The following FAT3 variants were observed in gnomAD, a reference collection of about 807,000 sequenced individuals.
The protein encoded by FAT3 is protocadherin Fat 3.
Under a neutral mutation model 310.2 loss-of-function variants are expected in FAT3, and 95 were observed. That is an observed-to-expected ratio of 0.31 (90% CI 0.26 to 0.36). FAT3 has a LOEUF of 0.36. FAT3 is among the 10% of genes least tolerant of loss of function. The pLI is 1.00. For missense variants in FAT3, 5,408 were observed against 5,715.6 expected (o/e 0.95, Z 1.74); for synonymous variants, 2,314 against 2,192.9 (o/e 1.06, Z -1.54).
At chr11:92,688,440 C>G (rs1351582985) in intron 3 of FAT3, among the ~76,000 whole-genome samples, 5 of 151,882 alleles carry the variant, frequency 3.3e-5, no homozygotes, top group Non-Finnish European at 1.5e-5. Flanking sequence ...TTACTATAAC[C>G]CCATCATCCA....
chr11:92,309,383 TGC>T (rs1491321176), intron 1 of FAT3, among the ~76,000 whole-genome samples: 1 of 28,528 alleles, frequency 3.5e-5, no homozygotes, highest in Non-Finnish European at 6.2e-5. Flanking sequence ...CACACACGCA[TGC>T]ACACACACAC....
intron 2 of FAT3, among the ~76,000 whole-genome samples, chr11:92,456,777 A>G (rs928313238): frequency 7.2e-5 from 11 of 152,186 alleles, no homozygotes; most frequent in African/African-American, 2.7e-4. Flanking sequence ...ATTAAATACT[A>G]TTCCATTGAT....
chr11:92,605,719 GTTTT>G (rs5793613), intron 3 of FAT3, among the ~76,000 whole-genome samples: 2 of 99,760 alleles, frequency 2.0e-5, no homozygotes, highest in South Asian at 3.5e-4. Context: ...AAATAGCTAT[GTTTT>G]TTTTTTTTTT....
At position 92,451,036 on chromosome 11, in the gene FAT3, C is replaced by CT. The variant is rs377378294; in HGVS notation, c.3293-73589dup. Among the ~76,000 whole-genome samples, 1,500 of 151,578 alleles carry CT rather than the reference C, an allele frequency of 9.9e-3. 22 individuals are homozygous for CT. The highest frequency in any genetic ancestry group is 0.034 in the African/African-American group (1,398 of 41,330). The stretch of plus-strand genomic sequence containing the variant: ...TAGTTTAGAATTAGACAAGGTGATT[C>CT]TTTTTTTTTCCCCTCTTTTCCTCTT... On this transcript the variant is annotated intron_variant, in intron 2 of 27. Transcript: ENST00000525166.
chr11:92,660,705 G>A (rs144567432), intron 3 of FAT3, among the ~76,000 whole-genome samples: 106 of 152,272 alleles, frequency 7.0e-4, no homozygotes, highest in Admixed American at 3.4e-3. Context: ...GATTTCAATC[G>A]TGGTCTTAAA....
intron 3 of FAT3, among the ~76,000 whole-genome samples, chr11:92,671,987 T>C (rs1943143635): frequency 6.6e-6 from 1 of 152,026 alleles, no homozygotes; most frequent in South Asian, 2.1e-4. Flanking sequence ...GGCGTGGTGG[T>C]GGGTGCCTGT....
chr11:92,809,303 G>C (rs755366606), intron 12 of FAT3, among the ~76,000 whole-genome samples: 3 of 152,134 alleles, frequency 2.0e-5, no homozygotes, highest in Admixed American at 6.5e-5. Context: ...TACACAATAG[G>C]GGTCCTTCAA....
intron 2 of FAT3, among the ~76,000 whole-genome samples, chr11:92,445,850 A>C (rs1424566941): frequency 6.6e-6 from 1 of 152,032 alleles, no homozygotes; most frequent in East Asian, 1.9e-4. Flanking sequence ...GATTGATTTT[A>C]ACAAGTAGGT....
At chr11:92,641,261 G>T (rs1941953465) in intron 3 of FAT3, among the ~76,000 whole-genome samples, 2 of 152,046 alleles carry the variant, frequency 1.3e-5, no homozygotes, top group Non-Finnish European at 2.9e-5. Context: ...TCTCTCCCCA[G>T]ATACATAATA....
intron 13 of FAT3, among the ~76,000 whole-genome samples, chr11:92,813,439 A>C (rs1947735282): frequency 6.6e-6 from 1 of 152,130 alleles, no homozygotes; most frequent in African/African-American, 2.4e-5. Flanking sequence ...CACAGAGTTT[A>C]TTCAAATTTC....
intron 1 of FAT3, among the ~76,000 whole-genome samples, chr11:92,234,902 CA>C (rs35407952): frequency 0.39 from 39,081 of 99,688 alleles, 5,665 homozygotes; most frequent in Admixed American, 0.52. Flanking sequence ...GACTCCGTCT[CA>C]AAAAAAAAAA....
At chr11:92,683,348 T>C (rs1307903684) in intron 3 of FAT3, among the ~76,000 whole-genome samples, 1 of 152,188 alleles carries the variant, frequency 6.6e-6, no homozygotes, top group Non-Finnish European at 1.5e-5. Context: ...TAAAACAAAA[T>C]TCTAGGGTTT....
chr11:92,375,771 T>C (rs546105837), intron 2 of FAT3, among the ~76,000 whole-genome samples: 3 of 152,186 alleles, frequency 2.0e-5, no homozygotes, highest in Non-Finnish European at 2.9e-5. Flanking sequence ...TTTATACTTA[T>C]ATTGTGAGAT....
intron 4 of FAT3, among the ~76,000 whole-genome samples, chr11:92,718,645 C>T (rs890475241): frequency 6.6e-6 from 1 of 152,174 alleles, no homozygotes; most frequent in Non-Finnish European, 1.5e-5. Context: ...TCTCTACCCT[C>T]TCCATCCTCT....
At chr11:92,768,987 G>A (rs1271502030) in intron 6 of FAT3, among the ~76,000 whole-genome samples, 1 of 152,204 alleles carries the variant, frequency 6.6e-6, no homozygotes, top group South Asian at 2.1e-4. Flanking sequence ...GTTTCAGCAT[G>A]CTTTTCCCCT....
chr11:92,284,280 C>T (rs144958943), intron 1 of FAT3, among the ~76,000 whole-genome samples: 1 of 151,780 alleles, frequency 6.6e-6, no homozygotes, highest in Admixed American at 6.6e-5. Flanking sequence ...GTAACGCCTC[C>T]GAGAACTACA....
chr11:92,603,155 A>T (rs1342674977), intron 3 of FAT3, among the ~76,000 whole-genome samples: 1 of 152,196 alleles, frequency 6.6e-6, no homozygotes, highest in Non-Finnish European at 1.5e-5. Flanking sequence ...GGTAAGCTTC[A>T]CTGGGCTTCC....
intron 1 of FAT3, among the ~76,000 whole-genome samples, chr11:92,304,972 T>C (rs888602501): frequency 1.3e-5 from 2 of 152,170 alleles, no homozygotes; most frequent in East Asian, 1.9e-4. Context: ...AACAAGGACA[T>C]AAATGAGACC....
At chr11:92,853,901 C>A (rs1304645023) in intron 19 of FAT3, among the ~76,000 whole-genome samples, 1 of 152,138 alleles carries the variant, frequency 6.6e-6, no homozygotes, top group Non-Finnish European at 1.5e-5. Flanking sequence ...AACTGACAGC[C>A]CAGCCCCCAG....
Sources: gnomAD v4.1 joint callset for allele counts (sites outside exome capture counted in the v4.1 genomes callset) on GRCh38, gnomAD v4.1.1 for gene constraint, MANE v1.5 for transcripts, NCBI Gene and HGNC (gene_info 2026-07-23, HGNC 2026-07-21) for gene names.